Variants in SORCS3 observed in about 807,000 individuals in gnomAD.
The protein encoded by SORCS3 is sortilin related VPS10 domain containing receptor 3.
A neutral mutation model predicts 146.3 loss-of-function variants in SORCS3; 57 were observed. That is an observed-to-expected ratio of 0.39 (90% confidence interval 0.31 to 0.49). The LOEUF (loss-of-function observed/expected upper bound fraction) is 0.49. Ranked by LOEUF, SORCS3 falls within the 20% of genes least tolerant of loss-of-function variation. The pLI, the probability that SORCS3 is intolerant of heterozygous loss-of-function variation, is 0.92. For missense variants in SORCS3, 1,341 were observed against 1,575.5 expected (o/e 0.85, Z 2.52); for synonymous variants, 653 against 618.5 (o/e 1.06, Z -0.83).
Position 104,756,610 on chromosome 10 carries a change from G to A in SORCS3, c.628-86182G>A, listed in dbSNP as rs1372917975. Among the ~76,000 whole-genome samples, 3 of 152,152 alleles carry A rather than the reference G, an allele frequency of 2.0e-5. No homozygotes were observed. In the East Asian group the frequency reaches 5.8e-4, roughly 29 times the overall value. On this transcript the variant is annotated intron_variant, in intron 1 of 26. Transcript: ENST00000369701. ...AATCTATCAGCTGGGGTTTGAATGG[G>A]AGTGGAGAAAGCATCCCAAGAGTGG... is the stretch of plus-strand genomic sequence containing the variant.
In SORCS3 at chr10:104,938,388, A is replaced by C. The variant is rs534049696; in HGVS notation, c.795+22456A>C. Among the ~76,000 whole-genome samples, 5 of 152,326 alleles carry C rather than the reference A, an allele frequency of 3.3e-5. No homozygotes were observed. In the South Asian group the frequency reaches 1.0e-3, roughly 32 times the overall value. ...TCTCATTGCCTGTAGGATTCAGGCC[A>C]AACTCCACAGCATGGGGTTAAAGCT... On this transcript the variant is annotated intron_variant, in intron 3 of 26. Transcript: ENST00000369701.
At chr10:104,804,058 C>T (rs974330603) in intron 1 of SORCS3, among the ~76,000 whole-genome samples, 4 of 152,214 alleles carry the variant, frequency 2.6e-5, no homozygotes, top group African/African-American at 9.6e-5. Context: ...TTTGCCTCCT[C>T]TAATTACCTT....
intron 1 of SORCS3, among the ~76,000 whole-genome samples, chr10:104,838,665 T>A (rs1055832830): frequency 6.6e-6 from 1 of 152,160 alleles, no homozygotes; most frequent in Non-Finnish European, 1.5e-5. Flanking sequence ...AAGGTTAAAT[T>A]CAATGTAAAG....
At chr10:104,781,882 G>A (rs1175826693) in intron 1 of SORCS3, among the ~76,000 whole-genome samples, 1 of 152,214 alleles carries the variant, frequency 6.6e-6, no homozygotes, top group Non-Finnish European at 1.5e-5. Flanking sequence ...CTGCCCTATT[G>A]TTCTGCCATC....
At chr10:105,113,407 C>A (rs969938495) in intron 7 of SORCS3, among the ~76,000 whole-genome samples, 1 of 152,110 alleles carries the variant, frequency 6.6e-6, no homozygotes, top group Admixed American at 6.6e-5. Context: ...ACCTTGGTAA[C>A]CTCTTTATAA....
At position 104,647,413 on chromosome 10, in the gene SORCS3, C is replaced by A. The variant is rs560578958; in HGVS notation, c.627+5459C>A. ...AAACTTTCCTTAGAAGCATTTATTT[C>A]TCTTTTCCCCTACTTGTTTATAGAA... On this transcript the variant is annotated intron_variant, in intron 1 of 26. Coordinates refer to ENST00000369701, the MANE Select transcript of SORCS3 (RefSeq NM_014978.3). Among the ~76,000 whole-genome samples, 6 of 152,330 alleles carry A rather than the reference C, an allele frequency of 3.9e-5. No individual in the cohort carries two copies. The South Asian group carries it at 1.2e-3, about 32-fold the overall frequency.
chr10:104,814,562 G>A (rs567149949), intron 1 of SORCS3, among the ~76,000 whole-genome samples: 2 of 152,150 alleles, frequency 1.3e-5, no homozygotes, highest in South Asian at 4.2e-4. Flanking sequence ...ACTCAACTTG[G>A]ACATCAATTT....
intron 12 of SORCS3, 67 bp from the exon 13 acceptor site, chr10:105,167,191 A>G: frequency 1.6e-6 from 2 of 1,251,240 alleles, no homozygotes; most frequent in Admixed American, 3.7e-5. Context: ...GAAAGACTGT[A>G]AACTGTTAAG....
intron 3 of SORCS3, among the ~76,000 whole-genome samples, chr10:104,961,652 A>G (rs1218604409): frequency 6.6e-6 from 1 of 152,196 alleles, no homozygotes; most frequent in African/African-American, 2.4e-5. Flanking sequence ...AGGAATACTG[A>G]CCTGAATGCC....
chr10:105,025,229 G>A (rs2055219264), intron 4 of SORCS3, among the ~76,000 whole-genome samples: 1 of 152,114 alleles, frequency 6.6e-6, no homozygotes, highest in Admixed American at 6.6e-5. Context: ...TAGCTCTGTT[G>A]GTGTCTCTCC....
chr10:104,975,652 T>G (rs2054891920), intron 3 of SORCS3, among the ~76,000 whole-genome samples: 1 of 152,208 alleles, frequency 6.6e-6, no homozygotes, highest in African/African-American at 2.4e-5. Flanking sequence ...GTTACCTGAC[T>G]TCAAACTATA....
chr10:104,672,581 G>A (rs969804751), intron 1 of SORCS3, among the ~76,000 whole-genome samples: 1 of 152,078 alleles, frequency 6.6e-6, no homozygotes, highest in South Asian at 2.1e-4. Context: ...AATTGTAAGT[G>A]TTTATAGCTC....
rs1349745816 is a variant in SORCS3 at position 105,264,833 on chromosome 10, T to C, written c.*1459T>C. The C allele has an allele frequency of 6.5e-6, 1 of 152,678 alleles. No individual in the cohort carries two copies. Among genetic ancestry groups the C allele is most frequent in the African/African-American group, 2.4e-5 (1 of 41,460 alleles). The allele number at this position is 152,678 out of a possible 1,614,324, so 9.5% of individuals were successfully genotyped here. A position where few individuals can be genotyped will look rare whatever the true frequency, so the allele number is the denominator to read the frequency against. On this transcript the variant is annotated 3_prime_UTR_variant, in exon 27 of 27. Coordinates refer to ENST00000369701, the MANE Select transcript of SORCS3 (RefSeq NM_014978.3). Reference sequence around the variant, plus strand: ...TAAGCCATGCTGTAAGCATTGTTTTTATTTTCAGGCTTAGCCTGAGCACAC... The same window carrying C: ...TAAGCCATGCTGTAAGCATTGTTTTCATTTTCAGGCTTAGCCTGAGCACAC...
Position 105,129,662 on chromosome 10 carries a change from T to TACACACACACACAC in SORCS3, c.1213-9721_1213-9708dup, listed in dbSNP as rs71022754. On this transcript the variant is annotated intron_variant, in intron 7 of 26. Coordinates refer to ENST00000369701, the MANE Select transcript of SORCS3 (RefSeq NM_014978.3). ...ATCTTTGCTTTTTTACCCACTCAAA[T>TACACACACACACAC]ACACACACACACACACACACACACA... is the stretch of plus-strand genomic sequence containing the variant. Among the ~76,000 whole-genome samples, 95 of 148,028 alleles carry TACACACACACACAC rather than the reference T, an allele frequency of 6.4e-4. No homozygotes were observed. In the South Asian group the frequency reaches 8.3e-3, roughly 13 times the overall value.
intron 5 of SORCS3, among the ~76,000 whole-genome samples, chr10:105,072,659 CTTTTTTTTTTTTTTTTT>C (rs545305956): frequency 6.0e-5 from 1 of 16,582 alleles, no homozygotes; most frequent in African/African-American, 1.7e-4. Context: ...CTCTCTCTCT[CTTTTTTTTTTTTTTTTT>C]TTTTTTTTTT....
chr10:105,121,465 A>G (rs184264546), intron 7 of SORCS3, among the ~76,000 whole-genome samples: 2 of 152,318 alleles, frequency 1.3e-5, no homozygotes, highest in East Asian at 3.9e-4. Flanking sequence ...GTCTGGGTTT[A>G]TAAAGGATGA....
chr10:104,940,238 A>ATATATATTTT (rs1435205868), intron 3 of SORCS3, among the ~76,000 whole-genome samples: 18 of 31,502 alleles, frequency 5.7e-4, no homozygotes, highest in Admixed American at 3.7e-3. Context: ...ATATATATAT[A>ATATATATTTT]TTTTTTTTTT....
At chr10:105,253,698 T>C (rs761805376) in intron 23 of SORCS3, among the ~76,000 whole-genome samples, 2 of 152,232 alleles carry the variant, frequency 1.3e-5, no homozygotes, top group South Asian at 4.1e-4. Context: ...GTAATCATTG[T>C]ACAGACATAT....
chr10:104,716,381 G>C (rs566178539), intron 1 of SORCS3, among the ~76,000 whole-genome samples: 2 of 152,192 alleles, frequency 1.3e-5, no homozygotes, highest in African/African-American at 4.8e-5. Context: ...TGAGTGATGG[G>C]GTGCATAATG....
Sources: gnomAD v4.1 joint callset for allele counts (sites outside exome capture counted in the v4.1 genomes callset) on GRCh38, gnomAD v4.1.1 for gene constraint, MANE v1.5 for transcripts, NCBI Gene and HGNC (gene_info 2026-07-23, HGNC 2026-07-21) for gene names.